Variants in NOVA2 observed in about 807,000 individuals in gnomAD.
NOVA2 encodes the protein RNA-binding protein Nova-2.
A neutral mutation model predicts 22.5 loss-of-function variants in NOVA2; 9 were observed. The observed-to-expected ratio is 0.40, with a 90% CI of 0.24 to 0.70. The LOEUF (loss-of-function observed/expected upper bound fraction) is 0.70, where lower values mean the gene tolerates loss of function less well. Ranked by LOEUF, NOVA2 falls within the 30% of genes least tolerant of loss-of-function variation. The pLI, the probability that NOVA2 is intolerant of heterozygous loss-of-function variation, is 0.38. For missense variants in NOVA2, 383 were observed against 682.8 expected (o/e 0.56, Z 4.89); for synonymous variants, 318 against 335.2 (o/e 0.95, Z 0.56).
At position 45,940,785 on chromosome 19, in the gene NOVA2, G is replaced by T; in HGVS notation, c.557C>A (p.Pro186His). Residue 186 changes from proline to histidine, a missense_variant, in exon 4 of 4, where the codon CCC becomes CAC. Around this residue, in one of 2 missense-constraint regions of NOVA2, gnomAD observed 349 missense variants for 578.1 expected, o/e 0.60. Coordinates refer to ENST00000263257, the MANE Select transcript of NOVA2 (RefSeq NM_002516.4). The stretch of plus-strand genomic sequence containing the variant: ...GCTCACGGCCTTGTGCACCTGCTCG[G>T]GCTCGCCGCTGACCGTCACCACGCG... Reference protein sequence around the residue: ...QERVVTVSGEPEQVHKAVSAI... With the variant: ...QERVVTVSGEHEQVHKAVSAI... 1 of 1,607,702 alleles carries T rather than the reference G, an allele frequency of 6.2e-7. No homozygotes were observed.
intron 1 of NOVA2, among the ~76,000 whole-genome samples, chr19:45,969,193 C>G (rs1242193567): frequency 1.5e-4 from 23 of 151,218 alleles, no homozygotes. Context: ...AAATAAACAA[C>G]AACAACAAAA....
intron 2 of NOVA2, among the ~76,000 whole-genome samples, chr19:45,958,441 CGT>C (rs1412728719): frequency 2.0e-5 from 3 of 148,652 alleles, no homozygotes; most frequent in African/African-American, 2.5e-5. Context: ...TGTGAGAGCA[CGT>C]GTGACAATGT....
rs1568660724 is a variant in NOVA2, at chr19:45,940,768, C to T, written c.574G>A (p.Ala192Thr). 6.2e-7 allele frequency: 1 copy of T among 1,608,900 alleles called. No individual in the cohort carries two copies. Residue 192 changes from alanine to threonine, a missense_variant, in exon 4 of 4, where the codon GCC (alanine) becomes ACC (threonine). Ala to Thr is a moderately conservative substitution (Grantham distance 58). Around this residue, in one of 2 missense-constraint regions of NOVA2, gnomAD observed 349 missense variants for 578.1 expected, o/e 0.60. Transcript: ENST00000263257. Reference sequence around the variant, plus strand: ...ACCTTCTGCACGATGGCGCTCACGGCCTTGTGCACCTGCTCGGGCTCGCCG... The same window carrying T: ...ACCTTCTGCACGATGGCGCTCACGGTCTTGTGCACCTGCTCGGGCTCGCCG... ...VSGEPEQVHKAVSAIVQKVQE... is the reference protein window; with the variant it reads ...VSGEPEQVHKTVSAIVQKVQE...
rs980993730 is a variant in NOVA2 at position 45,963,101 on chromosome 19, G to A, written c.86-1948C>T. Among the ~76,000 whole-genome samples the A allele has an allele frequency of 3.3e-5, 5 of 152,116 alleles. No homozygotes were observed. In the East Asian group the frequency reaches 5.8e-4, roughly 18 times the overall value. ...ATAAGAAGACCCTTTGCGGCCGGGAGCGGTAGCTCACGCCTGTAATCCCAG... is the reference window on the plus strand; with the variant it reads ...ATAAGAAGACCCTTTGCGGCCGGGAACGGTAGCTCACGCCTGTAATCCCAG... On this transcript the variant is annotated intron_variant, in intron 1 of 3. Coordinates refer to ENST00000263257, the MANE Select transcript of NOVA2 (RefSeq NM_002516.4).
chr19:45,961,599 G>A (rs193042904), intron 1 of NOVA2, among the ~76,000 whole-genome samples: 134 of 152,192 alleles, frequency 8.8e-4, no homozygotes, highest in African/African-American at 2.9e-3. Context: ...CTAAGAATGT[G>A]GCAGGCTTTA....
intron 1 of NOVA2, among the ~76,000 whole-genome samples, chr19:45,961,768 T>C (rs1272140823): frequency 6.6e-6 from 1 of 152,116 alleles, no homozygotes; most frequent in East Asian, 1.9e-4. Flanking sequence ...CACTTGTAGG[T>C]GGCAGAGCTG....
rs1421518086 is a variant in NOVA2 at position 45,934,432 on chromosome 19, A to G, written c.*5431T>C. The G allele has an allele frequency of 1.3e-5, 2 of 152,108 alleles. No individual in the cohort carries two copies. Among genetic ancestry groups the G allele is most frequent in the Non-Finnish European group, 2.9e-5 (2 of 68,056 alleles). 9.4% of individuals were successfully genotyped at this position (152,108 alleles called of 1,614,324 possible). ...GGGGAAAACGGAGGCATCCTCCCAG[A>G]CTACACCTTTCCACACCTCTCCCAC... On this transcript the variant is annotated 3_prime_UTR_variant, in exon 4 of 4. Transcript: ENST00000263257.
intron 1 of NOVA2, among the ~76,000 whole-genome samples, chr19:45,968,382 T>C (rs192229362): frequency 2.6e-5 from 4 of 152,194 alleles, no homozygotes; most frequent in Admixed American, 2.6e-4. Context: ...GATGTGTTTC[T>C]GTGAATGGCG....
intron 3 of NOVA2, among the ~76,000 whole-genome samples, chr19:45,948,385 G>A (rs1246538177): frequency 1.3e-5 from 2 of 152,152 alleles, no homozygotes; most frequent in African/African-American, 4.8e-5. Context: ...GGATCACGGG[G>A]TCAGGAGATC....
In NOVA2 at chr19:45,939,058, C is replaced by T; in HGVS notation, c.*805G>A. ...GTACTCAGTGACATCACAACAGAGA[C>T]CCTCATTGCCATTACTCTAAGCCAT... On this transcript the variant is annotated 3_prime_UTR_variant, in exon 4 of 4. Coordinates refer to ENST00000263257, the MANE Select transcript of NOVA2 (RefSeq NM_002516.4). 6.6e-6 allele frequency: 1 copy of T among 152,354 alleles called. No homozygotes were observed. The highest frequency in any genetic ancestry group is 2.1e-4 in the South Asian group (1 of 4,830). 9.4% of individuals were successfully genotyped at this position (152,354 alleles called of 1,614,324 possible).
chr19:45,959,100 G>T (rs1024008065), intron 2 of NOVA2, among the ~76,000 whole-genome samples: 2 of 152,248 alleles, frequency 1.3e-5, no homozygotes, highest in Non-Finnish European at 2.9e-5. Context: ...AGTGCTCAGA[G>T]AATGTGTGTT....
chr19:45,941,488 C>G (rs934191448), intron 3 of NOVA2, among the ~76,000 whole-genome samples: 12 of 151,934 alleles, frequency 7.9e-5, no homozygotes, highest in African/African-American at 2.9e-4. Flanking sequence ...TTTACGGTGG[C>G]TGGAGACTGA....
At position 45,954,855 on chromosome 19, in the gene NOVA2, GGTGTGTGTGTGTGTGTGT is replaced by G. The variant is rs10598680; in HGVS notation, c.230-927_230-910del. The stretch of plus-strand genomic sequence containing the variant: ...GTGTGTGTCTGCGAGGCTGGTGAGT[GGTGTGTGTGTGTGTGTGT>G]GTGTGTGTGTGTGTGTGTGTACTTG... On this transcript the variant is annotated intron_variant, in intron 2 of 3. Transcript: ENST00000263257. Among the ~76,000 whole-genome samples, 15 of 144,696 alleles carry G rather than the reference GGTGTGTGTGTGTGTGTGT, an allele frequency of 1.0e-4. 1 individual carries two copies. Among genetic ancestry groups the G allele is most frequent in the African/African-American group, 3.6e-4 (14 of 38,988 alleles). The allele number at this position is 144,696 out of a possible 152,430, so 94.9% of individuals were successfully genotyped here.
rs533133382 is a variant in NOVA2 at position 45,970,657 on chromosome 19, TG to T, written c.85+2609del. ...TATCAAAGTGCTGGGATTACAGGCA[TG>T]AGCTACTGTGCCCAGCCCCTTATGG... On this transcript the variant is annotated intron_variant, in intron 1 of 3. Coordinates refer to ENST00000263257, the MANE Select transcript of NOVA2 (RefSeq NM_002516.4). Among the ~76,000 whole-genome samples the T allele has an allele frequency of 2.8e-4, 42 of 152,304 alleles. No individual in the cohort carries two copies. The South Asian group carries it at 7.0e-3, about 26-fold the overall frequency.
At chr19:45,969,985 A>G (rs1313137492) in intron 1 of NOVA2, among the ~76,000 whole-genome samples, 3 of 152,168 alleles carry the variant, frequency 2.0e-5, no homozygotes, top group Non-Finnish European at 4.4e-5. Context: ...ACACCCAGGA[A>G]AAGCCCTCTG....
intron 3 of NOVA2, 139 bp downstream of exon 3, chr19:45,953,641 C>T (rs1430600099): frequency 2.0e-6 from 2 of 1,010,674 alleles, no homozygotes; most frequent in Non-Finnish European, 3.0e-6. Context: ...TAATACTAAC[C>T]ACTACCATGT....
At chr19:45,946,968 A>G (rs1391863819) in intron 3 of NOVA2, among the ~76,000 whole-genome samples, 1 of 152,150 alleles carries the variant, frequency 6.6e-6, no homozygotes, top group Non-Finnish European at 1.5e-5. Context: ...ACAAATGTTA[A>G]CAACTGGTGA....
intron 3 of NOVA2, among the ~76,000 whole-genome samples, chr19:45,948,966 G>GT (rs1967882795): frequency 6.6e-6 from 1 of 152,130 alleles, no homozygotes; most frequent in Non-Finnish European, 1.5e-5. Flanking sequence ...AAGGAGTAAA[G>GT]TTTTGACACA....
intron 1 of NOVA2, among the ~76,000 whole-genome samples, chr19:45,962,757 C>T (rs1009400367): frequency 2.0e-5 from 3 of 152,136 alleles, no homozygotes; most frequent in African/African-American, 7.2e-5. Context: ...AGGGGTTCCC[C>T]TGCCTCAGAC....
Sources: gnomAD v4.1 joint callset for allele counts (sites outside exome capture counted in the v4.1 genomes callset) on GRCh38, gnomAD v4.1.1 for gene constraint, gnomAD v4.1.1 regional missense constraint, MANE v1.5 for transcripts, NCBI Gene and HGNC (gene_info 2026-07-23, HGNC 2026-07-21) for gene names.